The following MBNL2 variants were observed in gnomAD, a reference collection of about 807,000 sequenced individuals.
MBNL2 encodes muscleblind like splicing regulator 2.
A neutral mutation model predicts 41.9 loss-of-function variants in MBNL2; 17 were observed. That is an observed-to-expected ratio of 0.41 (90% confidence interval 0.28 to 0.61). The LOEUF (loss-of-function observed/expected upper bound fraction) is 0.61. Among genes scored for constraint, MBNL2 ranks in the 20% least tolerant of loss-of-function variants. The pLI, the probability that MBNL2 is intolerant of heterozygous loss-of-function variation, is 0.35. For missense variants in MBNL2, 336 were observed against 505.6 expected (o/e 0.66, Z 3.22); for synonymous variants, 195 against 182.9 (o/e 1.07, Z -0.53).
upstream of MBNL2, among the ~76,000 whole-genome samples, chr13:97,218,440 C>CAAAACAACA (rs55815508): frequency 2.8e-4 from 33 of 117,970 alleles, no homozygotes; most frequent in Non-Finnish European, 1.5e-4. Context: ...CAAAACAAAA[C>CAAAACAACA]AAAAAAAAAA....
At position 97,301,690 on chromosome 13, in the gene MBNL2, A is replaced by G. The variant is rs1320342231; in HGVS notation, c.174+25281A>G. 2.0e-5 allele frequency among the ~76,000 whole-genome samples: 3 copies of G among 152,144 alleles called. No individual in the cohort carries two copies. The East Asian group carries it at 5.8e-4, about 29-fold the overall frequency. On this transcript the variant is annotated intron_variant, in intron 2 of 8. Transcript: ENST00000679496. ...TTGAGTTCTCCGCCAGCCCCGGGGG[A>G]AAGAAACCCCACAAGTCAGTCCAGC...
chr13:97,148,256 G>A, the MBNL2 span, among the ~76,000 whole-genome samples: 1 of 152,124 alleles, frequency 6.6e-6, no homozygotes, highest in African/African-American at 2.4e-5. Context: ...AGGTAGCTCT[G>A]CATTTCTTAG....
chr13:97,341,264 A>G (rs1384983849), intron 3 of MBNL2, among the ~76,000 whole-genome samples: 2 of 152,222 alleles, frequency 1.3e-5, no homozygotes, highest in East Asian at 3.8e-4. Flanking sequence ...TTTAATCACT[A>G]TTTGTAAAAT....
At chr13:97,365,442 CTTTATAG>C (rs759599424) in intron 8 of MBNL2, among the ~76,000 whole-genome samples, 1 of 152,144 alleles carries the variant, frequency 6.6e-6, no homozygotes, top group Non-Finnish European at 1.5e-5. Flanking sequence ...TTTTGTTTCT[CTTTATAG>C]TTTATATGGT....
chr13:97,220,730 G>T (rs2040786121), upstream of MBNL2, among the ~76,000 whole-genome samples: 1 of 152,154 alleles, frequency 6.6e-6, no homozygotes, highest in South Asian at 2.1e-4. Context: ...GGCCTACCTG[G>T]GAGGGAAAAT....
chr13:97,295,348 A>G (rs2056849758), intron 2 of MBNL2, among the ~76,000 whole-genome samples: 1 of 152,060 alleles, frequency 6.6e-6, no homozygotes, highest in African/African-American at 2.4e-5. Context: ...TACCAAAGAT[A>G]CTAACAGACA....
chr13:97,334,521 C>G lies in MBNL2; in HGVS notation c.339+81C>G. 1 of 1,001,012 alleles carries G rather than the reference C, an allele frequency of 1.0e-6. No individual in the cohort carries two copies. The highest frequency in any genetic ancestry group is 1.4e-6 in the Non-Finnish European group (1 of 705,076). 62.0% of individuals were successfully genotyped at this position (1,001,012 alleles called of 1,614,324 possible). A position where few individuals can be genotyped will look rare whatever the true frequency, so the allele number is the denominator to read the frequency against. ...ATGCCACGTTGACCTAGGGTGGCCTCTCTCCACTTTGTCACTTTGGTTACA... is the reference window on the plus strand; with the variant it reads ...ATGCCACGTTGACCTAGGGTGGCCTGTCTCCACTTTGTCACTTTGGTTACA... On this transcript the variant is annotated intron_variant, in intron 3 of 8. Transcript: ENST00000679496. This position sits in a 1 kb window ranked among gnomAD's most constrained non-coding sequence, Gnocchi z 5.3.
chr13:97,194,076 A>T, the MBNL2 span, among the ~76,000 whole-genome samples: 1 of 152,180 alleles, frequency 6.6e-6, no homozygotes, highest in Non-Finnish European at 1.5e-5. Context: ...TCTTTCAATG[A>T]TACCTTCTTA....
At chr13:97,363,043 C>T (rs1405207081) in intron 7 of MBNL2, 1 of 152,294 alleles carries the variant, frequency 6.6e-6, no homozygotes, top group South Asian at 2.1e-4. Context: ...AGGCCCAACC[C>T]TGCTTAGCTT....
intron 2 of MBNL2, among the ~76,000 whole-genome samples, chr13:97,315,682 G>A (rs1224028076): frequency 6.6e-6 from 1 of 152,182 alleles, no homozygotes; most frequent in African/African-American, 2.4e-5. Context: ...AGGAAGGAAG[G>A]CATAAGTCTT....
At chr13:97,274,280 A>G (rs1360811860) in intron 1 of MBNL2, among the ~76,000 whole-genome samples, 1 of 152,156 alleles carries the variant, frequency 6.6e-6, no homozygotes, top group Non-Finnish European at 1.5e-5. Flanking sequence ...CCTGAGGTCA[A>G]GAGTTCGAAA....
chr13:97,209,660 T>C, the MBNL2 span, among the ~76,000 whole-genome samples: 1 of 152,226 alleles, frequency 6.6e-6, no homozygotes, highest in South Asian at 2.1e-4. Flanking sequence ...TACTTATTAG[T>C]TTATACACTA....
chr13:97,272,519 A>G (rs2051262607), intron 1 of MBNL2, among the ~76,000 whole-genome samples: 1 of 152,178 alleles, frequency 6.6e-6, no homozygotes, highest in Admixed American at 6.5e-5. Flanking sequence ...GTCTTTCTGC[A>G]TGCCTATGTC....
intron 8 of MBNL2, among the ~76,000 whole-genome samples, chr13:97,365,665 A>G (rs958905848): frequency 2.6e-5 from 4 of 152,098 alleles, no homozygotes; most frequent in Non-Finnish European, 4.4e-5. Flanking sequence ...TATCTTTTCT[A>G]ATTTTAAGTG....
chr13:97,244,017 A>T (rs901702858), intron 1 of MBNL2, among the ~76,000 whole-genome samples: 17 of 152,220 alleles, frequency 1.1e-4, no homozygotes, highest in African/African-American at 3.6e-4. Flanking sequence ...GTTCTTGATC[A>T]TAGTAAGGAC....
chr13:97,174,115 G>A, the MBNL2 span, among the ~76,000 whole-genome samples: 1 of 151,994 alleles, frequency 6.6e-6, no homozygotes, highest in African/African-American at 2.4e-5. Context: ...TCTATTCTAA[G>A]GTAAACACAA....
At chr13:97,192,439 T>C in the MBNL2 span, among the ~76,000 whole-genome samples, 1 of 152,140 alleles carries the variant, frequency 6.6e-6, no homozygotes, top group African/African-American at 2.4e-5. Context: ...GAATTTGGAA[T>C]TGAAGGCTGG....
In MBNL2 at chr13:97,300,395, C is replaced by T. The variant is rs141606859; in HGVS notation, c.174+23986C>T. Among the ~76,000 whole-genome samples, 597 of 152,234 alleles carry T rather than the reference C, an allele frequency of 3.9e-3. 6 individuals carry two copies. Among genetic ancestry groups the T allele is most frequent in the African/African-American group, 0.013 (557 of 41,538 alleles). ...ATCAGAGACCGATTTCATAGAAGGT[C>T]GGTGGGGGATAGTTTGGGGATGAAA... On this transcript the variant is annotated intron_variant, in intron 2 of 8. Coordinates refer to ENST00000679496, the MANE Select transcript of MBNL2 (RefSeq NM_001382683.1).
intron 1 of MBNL2, among the ~76,000 whole-genome samples, chr13:97,274,851 A>G (rs909052105): frequency 5.3e-5 from 8 of 152,230 alleles, no homozygotes; most frequent in Non-Finnish European, 8.8e-5. Flanking sequence ...TAACTCCAGC[A>G]TTCCATACTA....
Sources: gnomAD v4.1 joint callset for allele counts (sites outside exome capture counted in the v4.1 genomes callset) on GRCh38, gnomAD v4.1.1 for gene constraint, Gnocchi (gnomAD v3.1) non-coding constraint, MANE v1.5 for transcripts, NCBI Gene and HGNC (gene_info 2026-07-23, HGNC 2026-07-21) for gene names.